OR2L13: variants seen among roughly 807,000 people sequenced by gnomAD.
OR2L13 encodes the protein olfactory receptor family 2 subfamily L member 13.
A neutral mutation model predicts 15.3 loss-of-function variants in OR2L13; 14 were observed. The observed-to-expected ratio is 0.91, with a 90% CI of 0.60 to 1.43. The LOEUF is 1.43. Among genes scored for constraint, OR2L13 ranks in the 40% most tolerant of loss-of-function variants. OR2L13 has a pLI of 0.00. For synonymous variants in OR2L13, 152 were observed against 142.9 expected (o/e 1.06, Z -0.45); for missense variants, 367 against 387.9 (o/e 0.95, Z 0.45).
At chr1:247,957,270 A>G in the OR2L13 span, among the ~76,000 whole-genome samples, 545 of 152,152 alleles carry the variant, frequency 3.6e-3, 7 homozygotes, top group African/African-American at 0.011. Context: ...TGTTGAACCA[A>G]CCTTGCATCC....
chr1:248,100,026 T>C, exon 3 of OR2L13: 1 of 1,614,194 alleles, frequency 6.2e-7, no homozygotes, highest in Non-Finnish European at 8.5e-7. Context: ...CTTCTTCCTG[T>C]GGCCGAGTCC....
At chr1:248,059,862 C>T in the OR2L13 span, among the ~76,000 whole-genome samples, 3 of 152,032 alleles carry the variant, frequency 2.0e-5, no homozygotes, top group Non-Finnish European at 4.4e-5. Flanking sequence ...GGCAACATAG[C>T]AAGACTTCAT....
At chr1:247,981,951 G>A in the OR2L13 span, among the ~76,000 whole-genome samples, 1 of 151,874 alleles carries the variant, frequency 6.6e-6, no homozygotes, top group Non-Finnish European at 1.5e-5. Context: ...GAGTAGCTGG[G>A]ACTGCAGGCT....
the OR2L13 span, among the ~76,000 whole-genome samples, chr1:248,070,840 G>A: frequency 0.069 from 10,039 of 145,692 alleles, 354 homozygotes; most frequent in East Asian, 0.12. Context: ...AGAGAATACT[G>A]CAAACACCTC....
the OR2L13 span, among the ~76,000 whole-genome samples, chr1:248,073,503 C>T: frequency 1.3e-5 from 2 of 151,904 alleles, no homozygotes; most frequent in Admixed American, 6.6e-5. Context: ...GGAGGGATAG[C>T]ATTAGGAGAT....
chr1:247,995,899 G>A, the OR2L13 span, among the ~76,000 whole-genome samples: 2 of 152,080 alleles, frequency 1.3e-5, no homozygotes, highest in Admixed American at 6.5e-5. Context: ...GTCCACTGAC[G>A]CAGTGGGTCT....
At chr1:247,997,521 A>C in the OR2L13 span, among the ~76,000 whole-genome samples, 1 of 152,164 alleles carries the variant, frequency 6.6e-6, no homozygotes, top group Non-Finnish European at 1.5e-5. Context: ...AATTAACCTC[A>C]TTCTATTTTA....
the OR2L13 span, among the ~76,000 whole-genome samples, chr1:247,994,901 A>G: frequency 5.9e-5 from 9 of 152,198 alleles, no homozygotes; most frequent in African/African-American, 2.2e-4. Context: ...TCAACACTCA[A>G]TCAGACTGAC....
the OR2L13 span, among the ~76,000 whole-genome samples, chr1:248,015,808 C>T: frequency 6.6e-6 from 1 of 152,112 alleles, no homozygotes; most frequent in East Asian, 1.9e-4. Flanking sequence ...TGTGCCTATG[C>T]AAATGATCAT....
At chr1:248,092,514 T>A (rs982083310), upstream of OR2L13, among the ~76,000 whole-genome samples, 2 of 152,170 alleles carry the variant, frequency 1.3e-5, no homozygotes, top group African/African-American at 4.8e-5. Context: ...CAACTGGATC[T>A]ATTTCACATC....
the OR2L13 span, chr1:248,030,042 A>T: frequency 6.6e-6 from 1 of 152,180 alleles, no homozygotes; most frequent in Admixed American, 6.5e-5. Flanking sequence ...AAAGGACTGG[A>T]TTCATGGTTG....
chr1:247,967,779 G>GTAT, the OR2L13 span, among the ~76,000 whole-genome samples: 15,538 of 151,532 alleles, frequency 0.1, 1,899 homozygotes, highest in African/African-American at 0.3. Context: ...GAGAATCCTA[G>GTAT]TATTATTAAA....
At chr1:248,000,124 G>A in the OR2L13 span, among the ~76,000 whole-genome samples, 1 of 119,686 alleles carries the variant, frequency 8.4e-6, no homozygotes, top group East Asian at 2.7e-4. Context: ...TTTTTTTTTG[G>A]TGTGTGTGTG....
chr1:247,995,347 C>T, the OR2L13 span, among the ~76,000 whole-genome samples: 1 of 152,218 alleles, frequency 6.6e-6, no homozygotes, highest in East Asian at 1.9e-4. Context: ...GCTCCACAGA[C>T]TATTATCTGT....
chr1:247,969,046 G>A, the OR2L13 span, among the ~76,000 whole-genome samples: 11,540 of 152,096 alleles, frequency 0.076, 949 homozygotes, highest in African/African-American at 0.21. Context: ...TCTAACTGGC[G>A]TGAGATGGTA....
the OR2L13 span, chr1:248,045,960 A>G: frequency 1.3e-5 from 2 of 152,078 alleles, no homozygotes; most frequent in East Asian, 3.8e-4. Context: ...CAATTTATCA[A>G]TCAATACATG....
At chr1:248,096,638 G>A (rs199988564), upstream of OR2L13, among the ~76,000 whole-genome samples, 4 of 152,168 alleles carry the variant, frequency 2.6e-5, no homozygotes, top group Admixed American at 1.3e-4. Flanking sequence ...TTGAGATTGA[G>A]GGAGCTGAGT....
chr1:248,086,744 C>G, the OR2L13 span, among the ~76,000 whole-genome samples: 8 of 151,780 alleles, frequency 5.3e-5, no homozygotes, highest in Admixed American at 1.3e-4. Context: ...AATTTGTGGG[C>G]TGATATTAAT....
chr1:247,991,155 G>A, the OR2L13 span: 1 of 1,606,464 alleles, frequency 6.2e-7, no homozygotes, highest in Non-Finnish European at 8.5e-7. Context: ...ACAAGGAGGT[G>A]ATGGGGGCCC....
Sources: allele counts gnomAD v4.1 joint callset (sites outside exome capture counted in the v4.1 genomes callset), GRCh38; gene constraint gnomAD v4.1.1; transcripts MANE v1.5; gene names NCBI Gene and HGNC (gene_info 2026-07-23, HGNC 2026-07-21).